The following ALDH1A2 variants were observed in gnomAD, a reference collection of about 807,000 sequenced individuals.
The protein encoded by ALDH1A2 is retinal dehydrogenase 2.
Under a neutral mutation model 60.3 loss-of-function variants are expected in ALDH1A2, and 27 were observed. The observed-to-expected ratio is 0.45, with a 90% CI of 0.33 to 0.62. ALDH1A2 has a LOEUF of 0.62. Among genes scored for constraint, ALDH1A2 ranks in the 20% least tolerant of loss-of-function variants. The probability of loss-of-function intolerance (pLI) is 0.02; values close to 1 mark genes in which losing one functional copy is unlikely to be tolerated. For missense variants in ALDH1A2, 581 were observed against 643.8 expected (o/e 0.90, Z 1.06); for synonymous variants, 289 against 232.4 (o/e 1.24, Z -2.21).
intron 12 of ALDH1A2, 121 bp downstream of exon 12, chr15:57,960,649 C>G: frequency 1.2e-6 from 1 of 829,274 alleles, no homozygotes. Flanking sequence ...AGCATGTGCT[C>G]CACGAAATGT....
chr15:58,033,831 A>T (rs1896308154), intron 1 of ALDH1A2, among the ~76,000 whole-genome samples: 2 of 142,972 alleles, frequency 1.4e-5, no homozygotes. Flanking sequence ...TCTCTTCTCT[A>T]TTTCACTTAT....
At chr15:58,065,235 G>C (rs1000061772) in intron 1 of ALDH1A2, 3 of 416,700 alleles carry the variant, frequency 7.2e-6, no homozygotes, top group Admixed American at 7.6e-5. Flanking sequence ...GCGGCAGTCG[G>C]GACCGGGAGA....
At chr15:58,035,661 T>C (rs1297309655) in intron 1 of ALDH1A2, among the ~76,000 whole-genome samples, 1 of 151,768 alleles carries the variant, frequency 6.6e-6, no homozygotes, top group South Asian at 2.1e-4. Context: ...AGACTTACTC[T>C]TTAACTCATG....
chr15:57,992,679 C>G (rs755553561), intron 7 of ALDH1A2, 26 bp downstream of exon 7: 1 of 1,604,684 alleles, frequency 6.2e-7, no homozygotes, highest in South Asian at 1.1e-5. Flanking sequence ...GACTGTTCCT[C>G]AAGCCCTGGT....
At chr15:57,965,942 G>T in intron 7 of ALDH1A2, 115 bp from the exon 8 acceptor site, 1 of 771,284 alleles carries the variant, frequency 1.3e-6, no homozygotes, top group South Asian at 1.4e-5. Flanking sequence ...TAAAAGGCAA[G>T]CCAACCCAGC....
intron 3 of ALDH1A2, chr15:58,011,947 C>T (rs1400924559): frequency 6.6e-6 from 1 of 152,128 alleles, no homozygotes; most frequent in Non-Finnish European, 1.5e-5. Context: ...CTGTGAGCTG[C>T]CGACACCAGT....
intron 1 of ALDH1A2, among the ~76,000 whole-genome samples, chr15:58,045,989 C>T (rs544867161): frequency 2.4e-4 from 36 of 152,012 alleles, no homozygotes; most frequent in African/African-American, 6.3e-4. Flanking sequence ...TATTTCAAAG[C>T]GTCTTAGATT....
rs1200453647 is a variant in ALDH1A2, at chr15:58,043,472, C to T, written c.117+22062G>A. Among the ~76,000 whole-genome samples, 4 of 151,974 alleles carry T rather than the reference C, an allele frequency of 2.6e-5. No individual in the cohort carries two copies. In the East Asian group the frequency reaches 7.7e-4, roughly 29 times the overall value. Reference sequence around the variant, plus strand: ...ATAACATAGGTTTGATTTGTTCCTTCTCTAAAGAGTGTATGTTAACATTTC... The same window carrying T: ...ATAACATAGGTTTGATTTGTTCCTTTTCTAAAGAGTGTATGTTAACATTTC... On this transcript the variant is annotated intron_variant, in intron 1 of 12. Transcript: ENST00000249750.
At chr15:58,019,724 T>C (rs1361146016) in intron 1 of ALDH1A2, among the ~76,000 whole-genome samples, 2 of 152,306 alleles carry the variant, frequency 1.3e-5, no homozygotes, top group East Asian at 3.9e-4. Flanking sequence ...AGGTTGTTGT[T>C]GGTTTTAAAA....
intron 7 of ALDH1A2, 47 bp from the exon 8 acceptor site, chr15:57,965,874 G>T: frequency 6.9e-7 from 1 of 1,455,794 alleles, no homozygotes; most frequent in Non-Finnish European, 9.6e-7. Context: ...CTGCAGGTGA[G>T]ACAGTCACCG....
chr15:57,994,986 A>C, intron 5 of ALDH1A2, 92 bp downstream of exon 5: 1 of 1,258,352 alleles, frequency 7.9e-7, no homozygotes, highest in Non-Finnish European at 1.2e-6. Flanking sequence ...CCAGTAATGG[A>C]AAACACACAT....
chr15:57,974,564 T>C (rs1894180977), intron 7 of ALDH1A2, among the ~76,000 whole-genome samples: 2 of 150,608 alleles, frequency 1.3e-5, no homozygotes, highest in Admixed American at 1.3e-4. Context: ...GTGCAGGAAC[T>C]ATTGTCATTA....
At chr15:57,967,037 C>G (rs897456104) in intron 7 of ALDH1A2, among the ~76,000 whole-genome samples, 61 of 152,108 alleles carry the variant, frequency 4.0e-4, no homozygotes, top group African/African-American at 1.4e-3. Flanking sequence ...ATTTTAAAAG[C>G]GGGGGAAGAG....
At chr15:57,959,833 T>C (rs2140447410) in intron 12 of ALDH1A2, among the ~76,000 whole-genome samples, 1 of 152,296 alleles carries the variant, frequency 6.6e-6, no homozygotes, top group South Asian at 2.1e-4. Flanking sequence ...AAATTACCAG[T>C]GAAACTATCT....
At chr15:57,968,559 C>G (rs1893966790) in intron 7 of ALDH1A2, among the ~76,000 whole-genome samples, 1 of 152,358 alleles carries the variant, frequency 6.6e-6, no homozygotes, top group South Asian at 2.1e-4. Context: ...CCCTGCACTC[C>G]AAGCTGATTT....
At chr15:58,010,627 A>G (rs1225017822) in intron 4 of ALDH1A2, 22 bp downstream of exon 4, 1 of 1,611,446 alleles carries the variant, frequency 6.2e-7, no homozygotes, top group African/African-American at 1.3e-5. Context: ...TTTCCTTTTC[A>G]ACGTACTCAG....
intron 1 of ALDH1A2, among the ~76,000 whole-genome samples, chr15:58,057,706 G>T (rs1175839903): frequency 6.6e-6 from 1 of 152,040 alleles, no homozygotes; most frequent in Non-Finnish European, 1.5e-5. Context: ...ATGAACAATA[G>T]CTACTGTGTG....
intron 12 of ALDH1A2, among the ~76,000 whole-genome samples, chr15:57,957,565 G>A (rs893960748): frequency 1.3e-5 from 2 of 152,154 alleles, no homozygotes; most frequent in Admixed American, 6.5e-5. Flanking sequence ...ACTGATGCAC[G>A]AAAGGTATGC....
intron 7 of ALDH1A2, among the ~76,000 whole-genome samples, chr15:57,981,573 A>G (rs1342320186): frequency 6.6e-6 from 1 of 152,148 alleles, no homozygotes; most frequent in Non-Finnish European, 1.5e-5. Context: ...GTAAGGAGTG[A>G]TTCATAGGCC....
Sources: allele counts gnomAD v4.1 joint callset (sites outside exome capture counted in the v4.1 genomes callset), GRCh38; gene constraint gnomAD v4.1.1; transcripts MANE v1.5; gene names NCBI Gene and HGNC (gene_info 2026-07-23, HGNC 2026-07-21).